The following TAF1A variants were observed in gnomAD, a reference collection of about 807,000 sequenced individuals.
TAF1A encodes the protein TATA-box binding protein associated factor, RNA polymerase I subunit A, also known as TATA box-binding protein-associated factor RNA polymerase I subunit A.
Under a neutral mutation model 61.6 loss-of-function variants are expected in TAF1A, and 42 were observed. That is an observed-to-expected ratio of 0.68 (90% CI 0.53 to 0.88). The LOEUF is 0.88. Ranked by LOEUF, TAF1A falls within the 40% of genes least tolerant of loss-of-function variation. The probability of loss-of-function intolerance (pLI) is 0.00; values close to 1 mark genes in which losing one functional copy is unlikely to be tolerated. For missense variants in TAF1A, 424 were observed against 518.7 expected, an observed-to-expected ratio of 0.82 and a Z score of 1.77; for synonymous variants, 179 against 177.7, an observed-to-expected ratio of 1.01 and a Z score of -0.06.
chr1:222,584,263 C>G lies in TAF1A; in HGVS notation c.156G>C (p.Gln52His). ...TAAAACTTAAACAAGCACTTGTTGT[C>G]TGAGCAAAATCCTTCCTCCTTTTCC... ...IGGKRRKDFAQTTSACLSFIQ... is the reference protein window; with the variant it reads ...IGGKRRKDFAHTTSACLSFIQ... Residue 52 changes from glutamine (Q) to histidine (H), a missense_variant, in exon 3 of 11, where the codon CAG (glutamine) becomes CAC (histidine). By Grantham distance (24) the Gln-to-His change is conservative. Coordinates refer to ENST00000352967, the MANE Select transcript of TAF1A (RefSeq NM_005681.4). The G allele has an allele frequency of 6.2e-7, 1 of 1,609,226 alleles. No homozygotes were observed. The highest frequency in any genetic ancestry group is 8.5e-7 in the Non-Finnish European group (1 of 1,178,958).
intron 7 of TAF1A, among the ~76,000 whole-genome samples, chr1:222,564,406 A>C (rs573218131): frequency 6.6e-6 from 1 of 151,766 alleles, no homozygotes; most frequent in South Asian, 2.1e-4. Flanking sequence ...CTCCTTATAC[A>C]TATCTATACT....
chr1:222,577,732 A>G (rs1660631872), intron 4 of TAF1A, 89 bp from the exon 5 acceptor site: 6 of 1,192,186 alleles, frequency 5.0e-6, no homozygotes, highest in Non-Finnish European at 7.3e-6. Context: ...CATGCTGGGC[A>G]AAGACCTTGG....
intron 7 of TAF1A, chr1:222,569,240 A>T: frequency 7.9e-7 from 1 of 1,263,974 alleles, no homozygotes; most frequent in Non-Finnish European, 1.0e-6. Context: ...AATAAAGTTG[A>T]TTTTCAAAAA....
rs182049026 is a variant in TAF1A at position 222,571,904 on chromosome 1, G to A, written c.605-1239C>T. ...AGAAGAACAAAGAATCTTTAAAAAG[G>A]ACAAAGTTGGATAATGTACTCTATG... On this transcript the variant is annotated intron_variant, in intron 5 of 10. Transcript: ENST00000352967. Among the ~76,000 whole-genome samples, 307 of 152,186 alleles carry A rather than the reference G, an allele frequency of 2.0e-3. 1 individual carries two copies. Among genetic ancestry groups the A allele is most frequent in the African/African-American group, 6.9e-3 (287 of 41,532 alleles).
At position 222,588,587 on chromosome 1, in the gene TAF1A, G is replaced by C. The variant is rs369199813; in HGVS notation, c.-2-22C>G. Reference sequence around the variant, plus strand: ...ATACCTATTACAAGATGAGATATCAGTTACTTTCTGTACATCTTAATCCAC... The same window carrying C: ...ATACCTATTACAAGATGAGATATCACTTACTTTCTGTACATCTTAATCCAC... On this transcript the variant is annotated intron_variant, in intron 1 of 10. Transcript: ENST00000352967. The C allele has an allele frequency of 1.1e-5, 17 of 1,609,980 alleles. No homozygotes were observed. In the African/African-American group the frequency reaches 2.1e-4, roughly 20 times the overall value.
chr1:222,576,929 GAACATAGTTTCTAGAACACT>G (rs1472195714), intron 5 of TAF1A, among the ~76,000 whole-genome samples: 1 of 152,136 alleles, frequency 6.6e-6, no homozygotes, highest in Non-Finnish European at 1.5e-5. Context: ...ATAAATACTT[GAACATAGTTTCTAGAACACT>G]AACATAGTTT....
At chr1:222,563,345 A>C in intron 8 of TAF1A, 49 bp from the exon 9 acceptor site, 2 of 1,582,792 alleles carry the variant, frequency 1.3e-6, no homozygotes, top group Non-Finnish European at 1.7e-6. Context: ...TAAAGTGTAC[A>C]AAGCTAAAAT....
At chr1:222,587,791 C>T (rs955619606) in intron 2 of TAF1A, among the ~76,000 whole-genome samples, 1 of 151,984 alleles carries the variant, frequency 6.6e-6, no homozygotes, top group Non-Finnish European at 1.5e-5. Context: ...GTGGCTCATG[C>T]CTGTAATCCC....
intron 5 of TAF1A, among the ~76,000 whole-genome samples, chr1:222,572,940 G>A (rs1179958594): frequency 1.3e-5 from 2 of 152,100 alleles, no homozygotes; most frequent in Non-Finnish European, 2.9e-5. Context: ...CTCATCAAAT[G>A]AAACACTTTT....
chr1:222,574,988 T>C (rs1660508558), intron 5 of TAF1A, among the ~76,000 whole-genome samples: 1 of 152,188 alleles, frequency 6.6e-6, no homozygotes, highest in East Asian at 1.9e-4. Flanking sequence ...ATTTTAAATT[T>C]ATTCATTATA....
chr1:222,583,614 C>A (rs1274294409), intron 3 of TAF1A, among the ~76,000 whole-genome samples: 1 of 151,836 alleles, frequency 6.6e-6, no homozygotes, highest in Non-Finnish European at 1.5e-5. Context: ...CCGAGGCAGG[C>A]GGATCACGAG....
rs768909702 is a variant in TAF1A at position 222,561,447 on chromosome 1, T to C, written c.1157A>G (p.Tyr386Cys). The C allele has an allele frequency of 6.2e-7, 1 of 1,613,056 alleles. No homozygotes were observed. Among genetic ancestry groups the C allele is most frequent in the East Asian group, 2.2e-5 (1 of 44,816 alleles). Reference sequence around the variant, plus strand: ...CTTCCAATCACTTTTTGCCCAAAAGTAGCTGAAATGAAAGCCTGGCCACCA... The same window carrying C: ...CTTCCAATCACTTTTTGCCCAAAAGCAGCTGAAATGAAAGCCTGGCCACCA... ...KNWWPGFHFS[Y>C]FWAKSDWKED... is the part of the protein sequence containing the mutation. Residue 386 changes from tyrosine (Y) to cysteine (C), a missense_variant, in exon 10 of 11, where the codon TAC becomes TGC. Physicochemically the swap from Tyr to Cys is radical, Grantham distance 194. Coordinates refer to ENST00000352967, the MANE Select transcript of TAF1A (RefSeq NM_005681.4).
rs144255165 is a variant in TAF1A, at chr1:222,570,669, C to G, written c.605-4G>C. 1.7e-5 allele frequency: 27 copies of G among 1,597,470 alleles called. No homozygotes were observed. In the East Asian group the frequency reaches 5.4e-4, roughly 32 times the overall value. Reference sequence around the variant, plus strand: ...TTGTAAGCATAATCATCCTTATCTGCCCAAAGATACAAGATCTTTTAACAT... The same window carrying G: ...TTGTAAGCATAATCATCCTTATCTGGCCAAAGATACAAGATCTTTTAACAT... On this transcript the variant is annotated splice_polypyrimidine_tract_variant and splice_region_variant and intron_variant, in intron 5 of 10. Coordinates refer to ENST00000352967, the MANE Select transcript of TAF1A (RefSeq NM_005681.4).
intron 3 of TAF1A, among the ~76,000 whole-genome samples, chr1:222,582,976 G>T (rs1013288318): frequency 6.6e-6 from 1 of 152,130 alleles, no homozygotes; most frequent in African/African-American, 2.4e-5. Context: ...TTGAGGCCAG[G>T]AGTTCAAGAC....
intron 4 of TAF1A, among the ~76,000 whole-genome samples, chr1:222,579,386 T>A (rs1247261495): frequency 6.6e-6 from 1 of 152,186 alleles, no homozygotes; most frequent in Non-Finnish European, 1.5e-5. Flanking sequence ...TATTAAAATA[T>A]TTTCACGTAT....
chr1:222,578,560 A>G (rs560818303), intron 4 of TAF1A, among the ~76,000 whole-genome samples: 2 of 152,332 alleles, frequency 1.3e-5, no homozygotes, highest in East Asian at 3.9e-4. Context: ...AACCCCCGCC[A>G]TGCAGGGCTG....
At chr1:222,585,311 T>TA (rs1182747436) in intron 2 of TAF1A, among the ~76,000 whole-genome samples, 1 of 152,142 alleles carries the variant, frequency 6.6e-6, no homozygotes. Flanking sequence ...GCCATCTACT[T>TA]ACTTATGTGA....
chr1:222,566,652 G>A (rs1226715942), intron 7 of TAF1A, among the ~76,000 whole-genome samples: 1 of 152,050 alleles, frequency 6.6e-6, no homozygotes, highest in Non-Finnish European at 1.5e-5. Context: ...TAATGCCACC[G>A]CTGATCTGAC....
chr1:222,556,863 T>G (rs1241803373), downstream of TAF1A, among the ~76,000 whole-genome samples: 1 of 152,222 alleles, frequency 6.6e-6, no homozygotes, highest in Non-Finnish European at 1.5e-5. Flanking sequence ...TCAGATTTTT[T>G]CCACATCGTC....
Sources: gnomAD v4.1 joint callset for allele counts (sites outside exome capture counted in the v4.1 genomes callset) on GRCh38, gnomAD v4.1.1 for gene constraint, MANE v1.5 for transcripts, NCBI Gene and HGNC (gene_info 2026-07-23, HGNC 2026-07-21) for gene names.